CAMKK2: variants seen among roughly 807,000 people sequenced by gnomAD.
CAMKK2 encodes calcium/calmodulin-dependent protein kinase kinase 2.
A neutral mutation model predicts 67.2 loss-of-function variants in CAMKK2; 30 were observed. The ratio of observed to expected loss-of-function variants is 0.45; its 90% CI spans 0.33 to 0.61. The LOEUF (loss-of-function observed/expected upper bound fraction) is 0.61, where lower values mean the gene tolerates loss of function less well. Among genes scored for constraint, CAMKK2 ranks in the 20% least tolerant of loss-of-function variants. The probability of loss-of-function intolerance (pLI) is 0.02; values close to 1 mark genes in which losing one functional copy is unlikely to be tolerated. For synonymous variants in CAMKK2, 322 were observed against 326.2 expected (o/e 0.99, Z 0.14); for missense variants, 643 against 802.0 (o/e 0.80, Z 2.39).
Position 121,255,330 on chromosome 12 carries a change from T to TTATATATATAATTA in CAMKK2, c.907+219_907+220insTAATTATATATATA, listed in dbSNP as rs1211073673. Among the ~76,000 whole-genome samples, 15 of 5,610 alleles carry TTATATATATAATTA rather than the reference T, an allele frequency of 2.7e-3. 4 individuals are homozygous for TTATATATATAATTA. Among genetic ancestry groups the TTATATATATAATTA allele is most frequent in the African/African-American group, 0.011 (15 of 1,414 alleles). 3.7% of individuals were successfully genotyped at this position (5,610 alleles called of 152,430 possible). A position where few individuals can be genotyped will look rare whatever the true frequency, so the allele number is the denominator to read the frequency against. On this transcript the variant is annotated intron_variant, in intron 9 of 16. Coordinates refer to ENST00000404169, the MANE Select transcript of CAMKK2 (RefSeq NM_001270485.2). ...TATATATAATTTTATATATATATAA[T>TTATATATATAATTA]TATATATAATTTTATATATATAATT... is the stretch of plus-strand genomic sequence containing the variant.
In CAMKK2 at chr12:121,274,529, T is replaced by C. The variant is rs371276813; in HGVS notation, c.-3A>G. 4.4e-6 allele frequency: 7 copies of C among 1,603,328 alleles called. No homozygotes were observed. The African/African-American group carries it at 8.1e-5, about 18-fold the overall frequency. ...TGGCTAGAGACACATGATGACATGG[T>C]GCATGCGCCAGCTTCATCCAGCACA... On this transcript the variant is annotated 5_prime_UTR_variant, in exon 2 of 17. Transcript: ENST00000404169.
intron 5 of CAMKK2, among the ~76,000 whole-genome samples, chr12:121,264,140 G>A (rs1474994480): frequency 2.6e-5 from 4 of 152,054 alleles, no homozygotes; most frequent in East Asian, 3.9e-4. Flanking sequence ...CGGAGCCCTC[G>A]GCCGTCCTGT....
At chr12:121,259,452 A>G (rs927803607) in intron 7 of CAMKK2, among the ~76,000 whole-genome samples, 2 of 152,304 alleles carry the variant, frequency 1.3e-5, no homozygotes, top group African/African-American at 4.8e-5. Flanking sequence ...CCTCAGAAAG[A>G]GCTCAAAGCC....
intron 1 of CAMKK2, among the ~76,000 whole-genome samples, chr12:121,294,106 T>C (rs1331654848): frequency 3.3e-5 from 5 of 151,570 alleles, no homozygotes; most frequent in Non-Finnish European, 5.9e-5. Flanking sequence ...CTAATTTTTG[T>C]ATTTTTAGTA....
chr12:121,267,022 CTTTTTTTTTTTTTTTTTTT>C (rs58762246), intron 5 of CAMKK2, among the ~76,000 whole-genome samples: 5 of 30,736 alleles, frequency 1.6e-4, no homozygotes, highest in Admixed American at 6.9e-4. Flanking sequence ...GTGCTCTGGC[CTTTTTTTTTTTTTTTTTTT>C]TTTTTTTTTT....
chr12:121,261,075 G>A (rs997394290), intron 6 of CAMKK2, among the ~76,000 whole-genome samples: 6 of 151,948 alleles, frequency 3.9e-5, no homozygotes, highest in African/African-American at 1.5e-4. Flanking sequence ...TAACCCCACA[G>A]GAAATGATGT....
At position 121,274,449 on chromosome 12, in the gene CAMKK2, G is replaced by A; in HGVS notation, c.78C>T (p.Ser26=). 1 of 1,613,068 alleles carries A rather than the reference G, an allele frequency of 6.2e-7. No individual in the cohort carries two copies. The highest frequency in any genetic ancestry group is 8.5e-7 in the Non-Finnish European group (1 of 1,179,964). ...PQDELGGRGS[S]SSESQKPCEA... ...CACAGGGCTTCTGGCTTTCGCTGCT[G>A]CTGCTGCCCCTGCCCCCCAGCTCAT... The change falls in exon 2 of 17, where the codon AGC becomes AGT. Residue 26 remains serine (S), a synonymous_variant. Coordinates refer to ENST00000404169, the MANE Select transcript of CAMKK2 (RefSeq NM_001270485.2).
At chr12:121,249,711 A>G (rs1466139479) in intron 13 of CAMKK2, 76 bp downstream of exon 13, 1 of 1,183,952 alleles carries the variant, frequency 8.4e-7, no homozygotes, top group Non-Finnish European at 1.3e-6. Flanking sequence ...CTGTGGACAC[A>G]AGGGTGTGGG....
chr12:121,271,794 G>A (rs1200714096), intron 2 of CAMKK2, among the ~76,000 whole-genome samples: 1 of 151,930 alleles, frequency 6.6e-6, no homozygotes, highest in Admixed American at 6.6e-5. Context: ...CGCAACCTCC[G>A]CCTCCCAGAT....
rs201017691 is a variant in CAMKK2 at position 121,244,063 on chromosome 12, A to G, written c.1596+510T>C. 55 of 1,602,852 alleles carry G rather than the reference A, an allele frequency of 3.4e-5. No individual in the cohort carries two copies. The East Asian group carries it at 1.1e-3, about 33-fold the overall frequency. ...GGTGGCTGACAGCAAGAAGGTCTGC[A>G]TCCACTCGGGTGAGGGAACTCTTAC... On this transcript the variant is annotated intron_variant, in intron 16 of 16. Coordinates refer to ENST00000404169, the MANE Select transcript of CAMKK2 (RefSeq NM_001270485.2).
intron 1 of CAMKK2, among the ~76,000 whole-genome samples, chr12:121,295,719 C>T (rs1334301558): frequency 1.3e-5 from 2 of 152,172 alleles, no homozygotes; most frequent in African/African-American, 4.8e-5. Flanking sequence ...CCCTCTCTTG[C>T]TGATAGCACT....
At chr12:121,261,874 C>T (rs1232505987) in intron 6 of CAMKK2, among the ~76,000 whole-genome samples, 1 of 152,212 alleles carries the variant, frequency 6.6e-6, no homozygotes, top group Non-Finnish European at 1.5e-5. Flanking sequence ...CCGCTTTGTA[C>T]TCCCATGGCA....
intron 13 of CAMKK2, 68 bp downstream of exon 13, chr12:121,249,719 G>C (rs1890262600): frequency 4.8e-6 from 6 of 1,250,338 alleles, no homozygotes; most frequent in Non-Finnish European, 7.1e-6. Context: ...ACAAGGGTGT[G>C]GGGTCTGGCT....
chr12:121,247,130 C>T (rs75950622), intron 14 of CAMKK2, among the ~76,000 whole-genome samples: 3,410 of 152,192 alleles, frequency 0.022, 70 homozygotes, highest in East Asian at 0.088. Context: ...TTAGCCCGTC[C>T]GCCCTCTCTC....
intron 10 of CAMKK2, 59 bp from the exon 11 acceptor site, chr12:121,252,773 A>G (rs1891027976): frequency 6.4e-7 from 1 of 1,569,012 alleles, no homozygotes; most frequent in African/African-American, 1.3e-5. Context: ...CCAATCCTCC[A>G]GTTTTCCTTT....
chr12:121,244,687 C>T (rs571229051), intron 15 of CAMKK2, 72 bp from the exon 16 acceptor site: 3 of 1,239,196 alleles, frequency 2.4e-6, no homozygotes, highest in Admixed American at 2.3e-5. Context: ...CCCGTTCCCC[C>T]ACCCTGAGAC....
intron 2 of CAMKK2, among the ~76,000 whole-genome samples, chr12:121,272,701 TAAAAAAAA>T (rs11292057): frequency 1.9e-3 from 219 of 117,474 alleles, no homozygotes; most frequent in African/African-American, 6.4e-3. Flanking sequence ...CATCTCTACT[TAAAAAAAA>T]AAAAAAAAAA....
chr12:121,251,297 T>A (rs957881375), intron 11 of CAMKK2, among the ~76,000 whole-genome samples: 20 of 152,166 alleles, frequency 1.3e-4, no homozygotes, highest in Middle Eastern at 3.4e-3. Context: ...CAGGAAAAGG[T>A]TAATATAGTA....
At chr12:121,250,217 G>T (rs1890395252) in intron 11 of CAMKK2, among the ~76,000 whole-genome samples, 183 bp from the exon 12 acceptor site, 1 of 152,092 alleles carries the variant, frequency 6.6e-6, no homozygotes, top group Admixed American at 6.5e-5. Flanking sequence ...GTGGGGCCTG[G>T]CCGACGCAGG....
Sources: allele counts gnomAD v4.1 joint callset (sites outside exome capture counted in the v4.1 genomes callset), GRCh38; gene constraint gnomAD v4.1.1; transcripts MANE v1.5; gene names NCBI Gene and HGNC (gene_info 2026-07-23, HGNC 2026-07-21).